RAB8B: variants seen among roughly 807,000 people sequenced by gnomAD.
The protein encoded by RAB8B is ras-related protein Rab-8B.
In RAB8B, 11 loss-of-function variants were observed where a neutral mutation model predicts 32.0. That is an observed-to-expected ratio of 0.34 (90% CI 0.22 to 0.57). The LOEUF (loss-of-function observed/expected upper bound fraction) is 0.57. Among genes scored for constraint, RAB8B ranks in the 20% least tolerant of loss-of-function variants. RAB8B has a pLI of 0.86. For synonymous variants in RAB8B, 103 were observed against 89.6 expected, an observed-to-expected ratio of 1.15 and a Z score of -0.85; for missense variants, 190 against 258.5, an observed-to-expected ratio of 0.73 and a Z score of 1.82.
chr15:63,222,901 A>G (rs182131344), intron 1 of RAB8B: 29 of 268,072 alleles, frequency 1.1e-4, no homozygotes, highest in Non-Finnish European at 1.9e-4. Context: ...TAACTATTGT[A>G]ATGTTGTACT....
chr15:63,234,762 G>A (rs1429958683), intron 1 of RAB8B, among the ~76,000 whole-genome samples: 2 of 152,212 alleles, frequency 1.3e-5, no homozygotes, highest in Non-Finnish European at 2.9e-5. Context: ...CAGAGGTGCA[G>A]GAAAGAGCCT....
Position 63,221,707 on chromosome 15 carries a change from G to A in RAB8B, c.125-23049G>A, listed in dbSNP as rs371435900. On this transcript the variant is annotated intron_variant, in intron 1 of 7. Coordinates refer to ENST00000321437, the MANE Select transcript of RAB8B (RefSeq NM_016530.3). ...TGAATGGACTTCTCCTTCAGGACCA[G>A]AGCATGGTTGGGGGTCTGTACATGT... Among the ~76,000 whole-genome samples, 4 of 152,228 alleles carry A rather than the reference G, an allele frequency of 2.6e-5. No homozygotes were observed. The South Asian group carries it at 6.2e-4, about 24-fold the overall frequency.
At chr15:63,246,712 C>A (rs907082503) in intron 2 of RAB8B, among the ~76,000 whole-genome samples, 2 of 152,118 alleles carry the variant, frequency 1.3e-5, no homozygotes, top group African/African-American at 4.8e-5. Context: ...GCATCGTGGG[C>A]CATTGGTGAT....
chr15:63,241,685 A>C (rs1417146478), intron 1 of RAB8B, among the ~76,000 whole-genome samples: 1 of 152,002 alleles, frequency 6.6e-6, no homozygotes, highest in African/African-American at 2.4e-5. Flanking sequence ...AAAGTCATGA[A>C]TTTTTTTAAA....
Position 63,263,658 on chromosome 15 carries a change from C to G in RAB8B, c.*39C>G. On this transcript the variant is annotated 3_prime_UTR_variant, in exon 8 of 8. Transcript: ENST00000321437. ...AGAGACTGCAGCACACCTAGAGGGC[C>G]CTTTCCTGCTTCTCTGAAAGCACAG... The G allele has an allele frequency of 6.7e-7, 1 of 1,501,106 alleles. No individual in the cohort carries two copies. Among genetic ancestry groups the G allele is most frequent in the Non-Finnish European group, 9.3e-7 (1 of 1,078,904 alleles). 93.0% of individuals were successfully genotyped at this position (1,501,106 alleles called of 1,614,324 possible). A position where few individuals can be genotyped will look rare whatever the true frequency, so the allele number is the denominator to read the frequency against.
intron 1 of RAB8B, among the ~76,000 whole-genome samples, chr15:63,237,521 A>G (rs1057165271): frequency 6.6e-6 from 1 of 152,046 alleles, no homozygotes; most frequent in South Asian, 2.1e-4. Flanking sequence ...TCTGTTTGCC[A>G]TTTGTATGTC....
rs1595734652 is a variant in RAB8B, at chr15:63,205,562, A to C, written c.124+15814A>C. On this transcript the variant is annotated intron_variant, in intron 1 of 7. Coordinates refer to ENST00000321437, the MANE Select transcript of RAB8B (RefSeq NM_016530.3). ...GATATGTGGTAGGGACAAGGGCATG[A>C]AGGGCCTCAAGGCAGTGTAAGGAGG... Among the ~76,000 whole-genome samples, 4 of 152,282 alleles carry C rather than the reference A, an allele frequency of 2.6e-5. No homozygotes were observed. In the South Asian group the frequency reaches 8.3e-4, roughly 32 times the overall value.
At chr15:63,223,791 A>T (rs2037866872) in intron 1 of RAB8B, 2 of 382,578 alleles carry the variant, frequency 5.2e-6, no homozygotes, top group South Asian at 3.8e-5. Context: ...ACCCTGACTG[A>T]TACACTGTTC....
chr15:63,266,982 C>T lies in RAB8B; in HGVS notation c.*3363C>T, dbSNP rs2038254021. ...TTAATTATTATAAATTTTAAGCACT[C>T]ATTTCTGCAATCAGGTTTCTCAGAA... On this transcript the variant is annotated 3_prime_UTR_variant, in exon 8 of 8. Coordinates refer to ENST00000321437, the MANE Select transcript of RAB8B (RefSeq NM_016530.3). 6.6e-6 allele frequency: 1 copy of T among 152,480 alleles called. No individual in the cohort carries two copies. Among genetic ancestry groups the T allele is most frequent in the African/African-American group, 2.4e-5 (1 of 41,402 alleles). The allele number at this position is 152,480 out of a possible 1,614,324, so 9.4% of individuals were successfully genotyped here.
chr15:63,193,341 C>A (rs1046347940), intron 1 of RAB8B, among the ~76,000 whole-genome samples: 1 of 152,124 alleles, frequency 6.6e-6, no homozygotes, highest in Non-Finnish European at 1.5e-5. Context: ...TTTCTTGTAT[C>A]TGACTTTTTG....
intron 3 of RAB8B, chr15:63,251,479 G>C (rs979173836): frequency 1.5e-5 from 5 of 337,390 alleles, no homozygotes; most frequent in African/African-American, 4.3e-5. Flanking sequence ...GAATATAAGA[G>C]TAAATGTTTC....
chr15:63,235,706 C>T (rs1234674487), intron 1 of RAB8B, among the ~76,000 whole-genome samples: 1 of 150,422 alleles, frequency 6.6e-6, no homozygotes, highest in East Asian at 1.9e-4. Context: ...AATGATAATA[C>T]TGTTGTTTTG....
chr15:63,193,806 A>G (rs761782218), intron 1 of RAB8B, among the ~76,000 whole-genome samples: 24 of 146,918 alleles, frequency 1.6e-4, no homozygotes, highest in Non-Finnish European at 3.0e-4. Context: ...GCAAGACTCC[A>G]TCTCAAAAAA....
chr15:63,231,449 C>T (rs1267175694), intron 1 of RAB8B, among the ~76,000 whole-genome samples: 2 of 150,874 alleles, frequency 1.3e-5, no homozygotes, highest in Non-Finnish European at 2.9e-5. Flanking sequence ...ATATGGTCTT[C>T]CCATAGCAAT....
intron 1 of RAB8B, among the ~76,000 whole-genome samples, chr15:63,195,726 G>T (rs2134266): frequency 1 from 152,362 of 152,384 alleles, 76,170 homozygotes; most frequent in Non-Finnish European, 1. Context: ...CTCTCCTGTG[G>T]GTGTTAGAAC....
At chr15:63,191,780 ACTTG>A (rs1191544117) in intron 1 of RAB8B, among the ~76,000 whole-genome samples, 1 of 152,150 alleles carries the variant, frequency 6.6e-6, no homozygotes, top group Non-Finnish European at 1.5e-5. Context: ...TTCTTGGACG[ACTTG>A]CTTGTTTGTA....
chr15:63,200,889 A>G (rs897734132), intron 1 of RAB8B, among the ~76,000 whole-genome samples: 2 of 152,206 alleles, frequency 1.3e-5, no homozygotes, highest in African/African-American at 4.8e-5. Context: ...ATGGTTTGGC[A>G]TACAGTCTGG....
intron 1 of RAB8B, among the ~76,000 whole-genome samples, chr15:63,237,396 T>A (rs975415790): frequency 2.6e-5 from 4 of 152,222 alleles, no homozygotes; most frequent in African/African-American, 9.6e-5. Flanking sequence ...TGCCAGTGTT[T>A]GTTATTGCCT....
chr15:63,198,420 T>C (rs920854016), intron 1 of RAB8B, among the ~76,000 whole-genome samples: 1 of 152,126 alleles, frequency 6.6e-6, no homozygotes, highest in African/African-American at 2.4e-5. Context: ...CTTGTTATCA[T>C]GTTCATCGTA....
Sources: allele counts gnomAD v4.1 joint callset (sites outside exome capture counted in the v4.1 genomes callset), GRCh38; gene constraint gnomAD v4.1.1; transcripts MANE v1.5; gene names NCBI Gene and HGNC (gene_info 2026-07-23, HGNC 2026-07-21).